DIAPH3: variants seen among roughly 807,000 people sequenced by gnomAD.
DIAPH3 encodes the protein diaphanous related formin 3.
A neutral mutation model predicts 144.3 loss-of-function variants in DIAPH3; 117 were observed. That is an observed-to-expected ratio of 0.81 (90% CI 0.70 to 0.95). DIAPH3 has a LOEUF of 0.95. Among genes scored for constraint, DIAPH3 ranks in the 40% least tolerant of loss-of-function variants. The pLI is 0.00. For missense variants in DIAPH3, 1,421 were observed against 1,412.7 expected (o/e 1.01, Z -0.09); for synonymous variants, 519 against 488.9 (o/e 1.06, Z -0.81).
At chr13:60,002,818 G>A (rs182954657) in intron 9 of DIAPH3, among the ~76,000 whole-genome samples, 26 of 152,228 alleles carry the variant, frequency 1.7e-4, no homozygotes, top group Admixed American at 7.8e-4. Flanking sequence ...TCAATCAGTC[G>A]TATGACCAAC....
intron 22 of DIAPH3, among the ~76,000 whole-genome samples, chr13:59,851,469 G>A (rs1322820188): frequency 6.6e-6 from 1 of 152,164 alleles, no homozygotes; most frequent in African/African-American, 2.4e-5. Context: ...GCATGCCAGA[G>A]TCAGACATAA....
At chr13:60,064,401 G>A (rs2056882211) in intron 4 of DIAPH3, among the ~76,000 whole-genome samples, 1 of 152,132 alleles carries the variant, frequency 6.6e-6, no homozygotes, top group Non-Finnish European at 1.5e-5. Context: ...ACACCTTCTG[G>A]ATAACTTGCT....
intron 4 of DIAPH3, among the ~76,000 whole-genome samples, chr13:60,059,837 G>A (rs908436080): frequency 3.9e-5 from 6 of 151,914 alleles, no homozygotes; most frequent in Admixed American, 3.3e-4. Flanking sequence ...GTTCATTATC[G>A]TCTTTACTGT....
intron 1 of DIAPH3, among the ~76,000 whole-genome samples, chr13:60,157,965 T>C (rs1952108716): frequency 6.6e-6 from 1 of 152,174 alleles, no homozygotes; most frequent in South Asian, 2.1e-4. Context: ...TTCTCCTCAT[T>C]TATCAGCTAT....
At chr13:59,847,337 G>T (rs1372923507) in intron 22 of DIAPH3, among the ~76,000 whole-genome samples, 1 of 152,150 alleles carries the variant, frequency 6.6e-6, no homozygotes, top group African/African-American at 2.4e-5. Context: ...AACATGGAAA[G>T]AAGAAAGGGA....
intron 1 of DIAPH3, among the ~76,000 whole-genome samples, chr13:60,138,823 G>C: frequency 8.1e-6 from 1 of 122,706 alleles, no homozygotes; most frequent in African/African-American, 3.0e-5. Context: ...AGGGAAGAGG[G>C]GAGGGGAGGG....
intron 27 of DIAPH3, among the ~76,000 whole-genome samples, chr13:59,717,275 A>C (rs1487224370): frequency 6.6e-6 from 1 of 152,242 alleles, no homozygotes; most frequent in East Asian, 1.9e-4. Context: ...GTATCTATAC[A>C]TACCGATTAA....
intron 3 of DIAPH3, among the ~76,000 whole-genome samples, chr13:60,108,403 A>G (rs1165950308): frequency 6.6e-6 from 1 of 151,900 alleles, no homozygotes; most frequent in Non-Finnish European, 1.5e-5. Context: ...GAGGTCAGGA[A>G]TTCGAGACCA....
rs188211023 is a variant in DIAPH3, at chr13:59,807,681, T to G, written c.3163+3107A>C. Among the ~76,000 whole-genome samples, 172 of 152,094 alleles carry G rather than the reference T, an allele frequency of 1.1e-3. 1 individual carries two copies. Among genetic ancestry groups the G allele is most frequent in the Middle Eastern group, 6.8e-3 (2 of 294 alleles). ...GTCCTATTGGGTGAAGATTTTACAT[T>G]TACTTGAGGCCCACCGATGTTAATT... On this transcript the variant is annotated intron_variant, in intron 25 of 27. Coordinates refer to ENST00000400324, the MANE Select transcript of DIAPH3 (RefSeq NM_001042517.2).
intron 4 of DIAPH3, among the ~76,000 whole-genome samples, chr13:60,046,187 G>C (rs1028251107): frequency 2.6e-5 from 4 of 152,120 alleles, no homozygotes; most frequent in Admixed American, 2.6e-4. Context: ...ATTTTATAAA[G>C]TCCTTACAGC....
intron 5 of DIAPH3, among the ~76,000 whole-genome samples, chr13:60,019,765 C>T (rs1322858184): frequency 6.6e-6 from 1 of 152,152 alleles, no homozygotes; most frequent in East Asian, 1.9e-4. Context: ...TGGTTTCTGA[C>T]ATGTTGTTGG....
intron 27 of DIAPH3, among the ~76,000 whole-genome samples, chr13:59,768,601 A>G (rs2037969272): frequency 6.6e-6 from 1 of 152,124 alleles, no homozygotes; most frequent in African/African-American, 2.4e-5. Flanking sequence ...GGGTGGCTAT[A>G]TATGAAGTTT....
At chr13:59,970,715 A>T in intron 16 of DIAPH3, 137 bp downstream of exon 16, 1 of 752,114 alleles carries the variant, frequency 1.3e-6, no homozygotes, top group Non-Finnish European at 2.0e-6. Context: ...CACTTTGATT[A>T]GTGACATTAG....
At chr13:60,073,864 C>G (rs904574368) in intron 4 of DIAPH3, among the ~76,000 whole-genome samples, 4 of 152,180 alleles carry the variant, frequency 2.6e-5, no homozygotes, top group Non-Finnish European at 5.9e-5. Context: ...GCTATTAGCT[C>G]TGCTGATTTG....
chr13:59,810,734 C>G (rs904983774), intron 25 of DIAPH3, 54 bp downstream of exon 25: 45 of 1,574,756 alleles, frequency 2.9e-5, no homozygotes, highest in Non-Finnish European at 3.8e-5. Flanking sequence ...AATAAAGCAG[C>G]CCATATAAAT....
Position 59,839,307 on chromosome 13 carries a change from A to T in DIAPH3, c.2862+17T>A. 1.9e-6 allele frequency: 3 copies of T among 1,612,624 alleles called. No homozygotes were observed. The highest frequency in any genetic ancestry group is 2.5e-6 in the Non-Finnish European group (3 of 1,179,118). On this transcript the variant is annotated intron_variant, in intron 23 of 27. Coordinates refer to ENST00000400324, the MANE Select transcript of DIAPH3 (RefSeq NM_001042517.2). ...AGTTGACTAGTGACTTAAGTTATTTAGCTATCAAAAGGATATGGACATCTT... is the reference window on the plus strand; with the variant it reads ...AGTTGACTAGTGACTTAAGTTATTTTGCTATCAAAAGGATATGGACATCTT...
At chr13:60,122,790 C>T (rs933993037) in intron 2 of DIAPH3, among the ~76,000 whole-genome samples, 2 of 151,856 alleles carry the variant, frequency 1.3e-5, no homozygotes, top group African/African-American at 4.8e-5. Context: ...TATTTAATAT[C>T]ATGATATAAG....
At chr13:60,128,787 T>G (rs2059059658) in intron 2 of DIAPH3, among the ~76,000 whole-genome samples, 1 of 152,088 alleles carries the variant, frequency 6.6e-6, no homozygotes, top group African/African-American at 2.4e-5. Context: ...CTTTTTTTTT[T>G]TTTTAAGGAA....
chr13:60,098,207 G>A (rs1454810285), intron 3 of DIAPH3, among the ~76,000 whole-genome samples: 1 of 152,110 alleles, frequency 6.6e-6, no homozygotes, highest in East Asian at 1.9e-4. Context: ...AGGGATTCAG[G>A]TGCAGGTGGG....
Sources: allele counts gnomAD v4.1 joint callset (sites outside exome capture counted in the v4.1 genomes callset), GRCh38; gene constraint gnomAD v4.1.1; transcripts MANE v1.5; gene names NCBI Gene and HGNC (gene_info 2026-07-23, HGNC 2026-07-21).